KIF24: variants seen among roughly 807,000 people sequenced by gnomAD.
KIF24 encodes the protein kinesin-like protein KIF24.
A neutral mutation model predicts 118.9 loss-of-function variants in KIF24; 81 were observed. The ratio of observed to expected loss-of-function variants is 0.68; its 90% CI spans 0.57 to 0.82. The LOEUF is 0.82. Among genes scored for constraint, KIF24 ranks in the 40% least tolerant of loss-of-function variants. KIF24 has a pLI of 0.00. For missense variants in KIF24, 1,560 were observed against 1,661.6 expected (o/e 0.94, Z 1.06); for synonymous variants, 599 against 610.0 (o/e 0.98, Z 0.27).
At chr9:34,310,490 G>A (rs1837096346) in intron 2 of KIF24, among the ~76,000 whole-genome samples, 1 of 152,150 alleles carries the variant, frequency 6.6e-6, no homozygotes. Flanking sequence ...AGTAGCAGCT[G>A]TTCTGATGTA....
intron 5 of KIF24, among the ~76,000 whole-genome samples, chr9:34,289,606 T>A (rs1836176504): frequency 6.6e-6 from 1 of 152,216 alleles, no homozygotes; most frequent in African/African-American, 2.4e-5. Context: ...CAAAACTTCA[T>A]GCAAGAAAAA....
chr9:34,312,141 TAA>T (rs1012873134), intron 1 of KIF24, among the ~76,000 whole-genome samples: 2 of 152,194 alleles, frequency 1.3e-5, no homozygotes, highest in African/African-American at 4.8e-5. Context: ...TAAATAGAAG[TAA>T]AGACATCATC....
In KIF24 at chr9:34,311,299, C is replaced by G; in HGVS notation, c.48G>C (p.Gln16His). 1.2e-6 allele frequency: 2 copies of G among 1,604,436 alleles called. No individual in the cohort carries two copies. Among genetic ancestry groups the G allele is most frequent in the Non-Finnish European group, 8.5e-7 (1 of 1,174,960 alleles). ...YECLCEAELA[Q>H]YYSHFTALGL... is the part of the protein sequence containing the mutation. ...CAAGGGCAGTGAAATGAGAATAATA[C>G]TGTGCAAGTTCAGCTTCACAAAGAC... Residue 16 changes from glutamine to histidine, a missense_variant, in exon 2 of 13, where the codon CAG becomes CAC. Physicochemically the swap from Gln to His is conservative, Grantham distance 24. Coordinates refer to ENST00000402558, the MANE Select transcript of KIF24 (RefSeq NM_194313.4).
rs566638319 is a variant in KIF24 at position 34,315,514 on chromosome 9, G to A, written c.-25-4143C>T. Among the ~76,000 whole-genome samples, 25 of 152,222 alleles carry A rather than the reference G, an allele frequency of 1.6e-4. 1 individual carries two copies. The South Asian group carries it at 5.2e-3, about 32-fold the overall frequency. ...CTCTAAACTCCTGCAGAGTTTTGAT[G>A]ATAAAACTGATACGGCATTTATGAC... On this transcript the variant is annotated intron_variant, in intron 1 of 12. Coordinates refer to ENST00000402558, the MANE Select transcript of KIF24 (RefSeq NM_194313.4).
At chr9:34,298,558 A>G (rs966253029) in intron 3 of KIF24, among the ~76,000 whole-genome samples, 33 of 148,406 alleles carry the variant, frequency 2.2e-4, no homozygotes, top group Non-Finnish European at 4.7e-4. Flanking sequence ...AAAAAAAAAA[A>G]GAGACAGAAT....
Position 34,297,008 on chromosome 9 carries a change from T to C in KIF24, c.911+9A>G, listed in dbSNP as rs1254321359. On this transcript the variant is annotated intron_variant, in intron 4 of 12. Coordinates refer to ENST00000402558, the MANE Select transcript of KIF24 (RefSeq NM_194313.4). ...AAAAAGCAAAAAAAGCAAATAATCA[T>C]TATCGTACCCATTGAAAATATGCTG... 2 of 1,436,778 alleles carry C rather than the reference T, an allele frequency of 1.4e-6. 1 individual carries two copies. Among genetic ancestry groups the C allele is most frequent in the South Asian group, 2.4e-5 (2 of 81,720 alleles). 89.0% of individuals were successfully genotyped at this position (1,436,778 alleles called of 1,614,324 possible).
intron 6 of KIF24, among the ~76,000 whole-genome samples, chr9:34,285,952 T>C (rs981229267): frequency 4.3e-5 from 5 of 117,354 alleles, no homozygotes; most frequent in Non-Finnish European, 9.5e-5. Context: ...AAAAAAAAAG[T>C]AAAAAGAATT....
At position 34,318,340 on chromosome 9, in the gene KIF24, G is replaced by GC; in HGVS notation, c.-25-6970dup. ...CTTGGAGCCAGCCCAGCCCAACCCA[G>GC]CCCAACCCAGCTTGACCTAGCCCTG... On this transcript the variant is annotated intron_variant, in intron 1 of 12. Coordinates refer to ENST00000402558, the MANE Select transcript of KIF24 (RefSeq NM_194313.4). The surrounding 1 kb of genome is among the most constrained non-coding windows in gnomAD (Gnocchi z 4.9). The GC allele has an allele frequency of 2.3e-6, 1 of 431,100 alleles. No individual in the cohort carries two copies. The highest frequency in any genetic ancestry group is 4.5e-6 in the Non-Finnish European group (1 of 222,250). The allele number at this position is 431,100 out of a possible 1,614,324, so 26.7% of individuals were successfully genotyped here. A position where few individuals can be genotyped will look rare whatever the true frequency, so the allele number is the denominator to read the frequency against.
Position 34,306,282 on chromosome 9 carries a change from T to C in KIF24, c.783A>G (p.Glu261=), listed in dbSNP as rs367822038. The change falls in exon 3 of 13, where the codon GAA becomes GAG. Residue 261 remains glutamate, a synonymous_variant. Transcript: ENST00000402558. The part of the protein sequence containing the change: ...KETLLVHEKK[E]AVDLTQYILQ... ...GAATATATTGAGTGAGGTCAACTGC[T>C]TCTTTCTTCTCATGCACAAGTAGAG... 2.5e-6 allele frequency: 4 copies of C among 1,607,870 alleles called. No homozygotes were observed. The African/African-American group carries it at 5.4e-5, about 22-fold the overall frequency.
At chr9:34,260,399 AT>A (rs1254832477) in intron 9 of KIF24, among the ~76,000 whole-genome samples, 1 of 148,506 alleles carries the variant, frequency 6.7e-6, no homozygotes, top group Admixed American at 6.7e-5. Context: ...ATTAAAAATG[AT>A]TATACCTGTA....
At chr9:34,258,339 C>T (rs997723691) in intron 10 of KIF24, among the ~76,000 whole-genome samples, 1 of 152,074 alleles carries the variant, frequency 6.6e-6, no homozygotes. Context: ...CATGGTGATG[C>T]GTGTCTGTAG....
intron 1 of KIF24, among the ~76,000 whole-genome samples, chr9:34,314,489 T>G (rs1387497364): frequency 6.6e-6 from 1 of 152,044 alleles, no homozygotes; most frequent in Admixed American, 6.6e-5. Context: ...TTAAAATATA[T>G]AGATACCTGA....
chr9:34,287,764 T>C (rs1420097809), intron 5 of KIF24, among the ~76,000 whole-genome samples: 1 of 152,038 alleles, frequency 6.6e-6, no homozygotes, highest in Non-Finnish European at 1.5e-5. Context: ...GATGCAGTGG[T>C]GTGTGTCTGT....
chr9:34,287,749 C>T (rs755731263), intron 5 of KIF24, among the ~76,000 whole-genome samples: 7 of 151,830 alleles, frequency 4.6e-5, no homozygotes, highest in African/African-American at 7.3e-5. Flanking sequence ...AGAATCTAGC[C>T]GTTGGATGCA....
At position 34,318,943 on chromosome 9, in the gene KIF24, C is replaced by T. The variant is rs921630676; in HGVS notation, c.-25-7572G>A. ...CCATCCACGAGTGGGCCGTGCAGACCACCGACGGCAAGCTGCCCAAGGTCA... is the reference window on the plus strand; with the variant it reads ...CCATCCACGAGTGGGCCGTGCAGACTACCGACGGCAAGCTGCCCAAGGTCA... On this transcript the variant is annotated intron_variant, in intron 1 of 12. Transcript: ENST00000402558. This position sits in a 1 kb window ranked among gnomAD's most constrained non-coding sequence, Gnocchi z 4.9. The T allele has an allele frequency of 9.8e-6, 15 of 1,523,738 alleles. No homozygotes were observed. In the African/African-American group the frequency reaches 1.9e-4, roughly 19 times the overall value. 94.4% of individuals were successfully genotyped at this position (1,523,738 alleles called of 1,614,324 possible).
chr9:34,282,760 T>A (rs1428070348), intron 6 of KIF24: 1 of 152,064 alleles, frequency 6.6e-6, no homozygotes, highest in South Asian at 2.1e-4. Context: ...TTGTATGCTT[T>A]AAAAAACTGA....
At chr9:34,255,691 G>A (rs1834800948) in intron 11 of KIF24, 44 bp downstream of exon 11, 2 of 1,497,672 alleles carry the variant, frequency 1.3e-6, no homozygotes, top group African/African-American at 1.4e-5. Flanking sequence ...AGTGGAGGGT[G>A]GGTGCCAAAG....
chr9:34,256,104 C>G lies in KIF24; in HGVS notation c.3503G>C (p.Gly1168Ala). Residue 1168 changes from glycine to alanine, a missense_variant, in exon 11 of 13, where the codon GGT becomes GCT. By Grantham distance (60) the Gly-to-Ala change is moderately conservative. This residue lies in a region of KIF24 where 591 missense variants were observed against 655.6 expected (regional missense o/e 0.90). Transcript: ENST00000402558. ...TGCATCAGCATCATACTGCTCACTA[C>G]CCATGTGTTCGTGGGAGAAAAGTAC... is the stretch of plus-strand genomic sequence containing the variant. ...ETVLFSHEHM[G>A]SEQYDADAEE... 6.2e-7 allele frequency: 1 copy of G among 1,611,898 alleles called. No homozygotes were observed.
chr9:34,312,432 A>C (rs1837200567), intron 1 of KIF24, among the ~76,000 whole-genome samples: 1 of 152,226 alleles, frequency 6.6e-6, no homozygotes, highest in Admixed American at 6.5e-5. Flanking sequence ...ATCCAAAAGT[A>C]AATACAGTAC....
Sources: allele counts gnomAD v4.1 joint callset (sites outside exome capture counted in the v4.1 genomes callset), GRCh38; gene constraint gnomAD v4.1.1; regional missense constraint gnomAD v4.1.1; non-coding constraint Gnocchi (gnomAD v3.1); transcripts MANE v1.5; gene names NCBI Gene and HGNC (gene_info 2026-07-23, HGNC 2026-07-21).